Variants in FRMD4B observed in about 807,000 individuals in gnomAD.
The protein encoded by FRMD4B is FERM domain-containing protein 4B.
FRMD4B carries 74 observed loss-of-function variants against 141.5 expected under a neutral mutation model. The ratio of observed to expected loss-of-function variants is 0.52; its 90% confidence interval spans 0.43 to 0.63. FRMD4B has a LOEUF of 0.63. Ranked by LOEUF, FRMD4B falls within the 30% of genes least tolerant of loss-of-function variation. The probability of loss-of-function intolerance (pLI) is 0.00; values close to 1 mark genes in which losing one functional copy is unlikely to be tolerated. For synonymous variants in FRMD4B, 506 were observed against 467.9 expected, an observed-to-expected ratio of 1.08 and a Z score of -1.05; for missense variants, 1,366 against 1,253.4, an observed-to-expected ratio of 1.09 and a Z score of -1.36.
intron 21 of FRMD4B, among the ~76,000 whole-genome samples, chr3:69,179,038 C>T (rs189953685): frequency 1.4e-4 from 22 of 151,748 alleles, no homozygotes; most frequent in Non-Finnish European, 2.5e-4. Context: ...ATGAGAATGA[C>T]GCCTGCCTGT....
At chr3:69,438,977 T>C (rs892694076) in intron 1 of FRMD4B, among the ~76,000 whole-genome samples, 2 of 152,220 alleles carry the variant, frequency 1.3e-5, no homozygotes, top group African/African-American at 4.8e-5. Context: ...TATGTTAATT[T>C]CTCCAGTCCA....
chr3:69,300,451 G>A (rs955584013), intron 4 of FRMD4B, among the ~76,000 whole-genome samples: 3 of 152,124 alleles, frequency 2.0e-5, no homozygotes, highest in African/African-American at 7.2e-5. Flanking sequence ...CAAGCAGCAG[G>A]CCACTCTGGA....
intron 2 of FRMD4B, among the ~76,000 whole-genome samples, chr3:69,418,649 C>T (rs909687709): frequency 6.6e-6 from 1 of 152,164 alleles, no homozygotes; most frequent in Non-Finnish European, 1.5e-5. Context: ...AGCTGGGGAC[C>T]TCAGTCCTAC....
chr3:69,483,860 A>T lies in FRMD4B; in HGVS notation c.-128-51099T>A, dbSNP rs926725249. 2.6e-5 allele frequency among the ~76,000 whole-genome samples: 4 copies of T among 152,380 alleles called. No individual in the cohort carries two copies. In the East Asian group the frequency reaches 7.7e-4, roughly 29 times the overall value. On this transcript the variant is annotated intron_variant, in intron 1 of 5. Transcript: ENST00000459638. ...ATTTGAAAGAAAATGTCACTTAAAA[A>T]TAAAAACCAGTCACATTCAACAAAT... is the stretch of plus-strand genomic sequence containing the variant.
intron 2 of FRMD4B, among the ~76,000 whole-genome samples, chr3:69,407,852 C>T (rs148797702): frequency 2.0e-5 from 3 of 152,280 alleles, no homozygotes; most frequent in Admixed American, 2.0e-4. Context: ...TTTTCCTTTC[C>T]AAATATTAGG....
intron 5 of FRMD4B, among the ~76,000 whole-genome samples, chr3:69,265,595 C>G (rs1037255188): frequency 4.6e-5 from 7 of 151,008 alleles, no homozygotes; most frequent in African/African-American, 1.7e-4. Flanking sequence ...CTATAGGCGC[C>G]CACCACCAAG....
chr3:69,174,964 C>T (rs998307934), intron 22 of FRMD4B, among the ~76,000 whole-genome samples: 1 of 152,142 alleles, frequency 6.6e-6, no homozygotes, highest in Admixed American at 6.5e-5. Flanking sequence ...ATTTGACATC[C>T]TCTGAAGTAT....
intron 5 of FRMD4B, among the ~76,000 whole-genome samples, chr3:69,267,620 TATATATATATATATATAG>T (rs2093571301): frequency 8.9e-5 from 3 of 33,598 alleles, no homozygotes; most frequent in African/African-American, 2.0e-4. Context: ...TATATATATA[TATATATATATATATATAG>T]AGAGAGAGAG....
chr3:69,204,869 A>C (rs2093007522), intron 11 of FRMD4B, among the ~76,000 whole-genome samples: 1 of 152,146 alleles, frequency 6.6e-6, no homozygotes, highest in African/African-American at 2.4e-5. Flanking sequence ...TTTTAGTCTC[A>C]CTATGCAGAA....
intron 1 of FRMD4B, among the ~76,000 whole-genome samples, chr3:69,356,695 T>A (rs1413810927): frequency 6.6e-6 from 1 of 150,914 alleles, no homozygotes; most frequent in Non-Finnish European, 1.5e-5. Flanking sequence ...CCCTTACTAA[T>A]ACACCCCATA....
At chr3:69,219,766 C>A (rs181811689) in intron 9 of FRMD4B, among the ~76,000 whole-genome samples, 30 of 152,266 alleles carry the variant, frequency 2.0e-4, no homozygotes, top group Non-Finnish European at 3.7e-4. Flanking sequence ...CCCTAATGCT[C>A]TCTCCCACCC....
intron 5 of FRMD4B, 182 bp from the exon 6 acceptor site, chr3:69,250,281 C>CTGTGTGTGTGTGTG: frequency 2.0e-6 from 1 of 511,724 alleles, no homozygotes; most frequent in Admixed American, 3.7e-5. Context: ...GGCGAAACCA[C>CTGTGTGTGTGTGTG]TGTGTGTGCG....
rs539181752 is a variant in FRMD4B, at chr3:69,190,496, C to A, written c.1715-544G>T. On this transcript the variant is annotated intron_variant, in intron 17 of 22. Coordinates refer to ENST00000398540, the MANE Select transcript of FRMD4B (RefSeq NM_015123.3). ...ATGGTGTGATCGTGGCTCACTGCAG[C>A]CTCAACCTCCTGGGCTTAAGCAATC... is the stretch of plus-strand genomic sequence containing the variant. 3.8e-4 allele frequency among the ~76,000 whole-genome samples: 58 copies of A among 151,970 alleles called. 1 individual carries two copies. The Middle Eastern group carries it at 0.014, about 36-fold the overall frequency.
chr3:69,258,985 G>A (rs987580126), intron 5 of FRMD4B, among the ~76,000 whole-genome samples: 3 of 152,090 alleles, frequency 2.0e-5, no homozygotes, highest in African/African-American at 7.2e-5. Context: ...ACCAGGGTTG[G>A]GGGATGGTTT....
intron 4 of FRMD4B, among the ~76,000 whole-genome samples, chr3:69,294,425 G>A (rs1434828988): frequency 6.6e-6 from 1 of 152,232 alleles, no homozygotes; most frequent in African/African-American, 2.4e-5. Flanking sequence ...ATATTATGCA[G>A]TGCTTATGGG....
At position 69,223,591 on chromosome 3, in the gene FRMD4B, C is replaced by G. The variant is rs1318703125; in HGVS notation, c.665+1016G>C. On this transcript the variant is annotated intron_variant, in intron 8 of 22. Transcript: ENST00000398540. Reference sequence around the variant, plus strand: ...CGGTGGCTCACACCTGTAATCCCAGCATTTTGGGAGGTCAAGGCGGGTAGA... The same window carrying G: ...CGGTGGCTCACACCTGTAATCCCAGGATTTTGGGAGGTCAAGGCGGGTAGA... 7.2e-5 allele frequency among the ~76,000 whole-genome samples: 11 copies of G among 152,154 alleles called. No homozygotes were observed. In the East Asian group the frequency reaches 1.7e-3, roughly 24 times the overall value.
At chr3:69,480,246 G>A (rs910956015) in intron 1 of FRMD4B, among the ~76,000 whole-genome samples, 3 of 152,238 alleles carry the variant, frequency 2.0e-5, no homozygotes, top group African/African-American at 7.2e-5. Flanking sequence ...TCCATTGCTG[G>A]TGAGGAACTG....
intron 11 of FRMD4B, among the ~76,000 whole-genome samples, chr3:69,201,279 T>TG (rs1015608740): frequency 6.6e-6 from 1 of 151,960 alleles, no homozygotes; most frequent in African/African-American, 2.4e-5. Flanking sequence ...GCAGATGGTA[T>TG]GGGGGGTACG....
At chr3:69,297,444 G>A (rs939361810) in intron 4 of FRMD4B, among the ~76,000 whole-genome samples, 1 of 152,098 alleles carries the variant, frequency 6.6e-6, no homozygotes, top group Non-Finnish European at 1.5e-5. Context: ...TTGGAAAGAG[G>A]AGGAGGAAAA....
Sources: allele counts gnomAD v4.1 joint callset (sites outside exome capture counted in the v4.1 genomes callset), GRCh38; gene constraint gnomAD v4.1.1; transcripts MANE v1.5; gene names NCBI Gene and HGNC (gene_info 2026-07-23, HGNC 2026-07-21).